REDIC1: variants seen among roughly 807,000 people sequenced by gnomAD.
The protein encoded by REDIC1 is HEI10 Interacting Protein 1.
chr12:39,638,800 A>C, the REDIC1 span, among the ~76,000 whole-genome samples: 1 of 151,966 alleles, frequency 6.6e-6, no homozygotes, highest in Non-Finnish European at 1.5e-5. Context: ...ATTGGTCTTA[A>C]ATACCTAATT....
the REDIC1 span, among the ~76,000 whole-genome samples, chr12:39,714,525 A>G: frequency 6.6e-6 from 1 of 151,506 alleles, no homozygotes; most frequent in Non-Finnish European, 1.5e-5. Context: ...CGTGTGTGAA[A>G]GTATCTTTTT....
At chr12:39,877,239 A>G in the REDIC1 span, among the ~76,000 whole-genome samples, 17 of 152,324 alleles carry the variant, frequency 1.1e-4, no homozygotes, top group East Asian at 3.3e-3. Flanking sequence ...AGAGTTCCAC[A>G]TGGCTAGGGA....
the REDIC1 span, chr12:39,829,664 C>T: frequency 9.9e-4 from 167 of 169,162 alleles, no homozygotes; most frequent in Non-Finnish European, 2.8e-4. Flanking sequence ...CTGCCTGCCT[C>T]AGCCTCCCAA....
At chr12:39,731,809 C>G in the REDIC1 span, among the ~76,000 whole-genome samples, 1 of 149,884 alleles carries the variant, frequency 6.7e-6, no homozygotes, top group African/African-American at 2.5e-5. Context: ...TCTGTATGCC[C>G]CTGACTGTTT....
chr12:39,629,413 A>G, the REDIC1 span, among the ~76,000 whole-genome samples: 290 of 152,318 alleles, frequency 1.9e-3, 6 homozygotes, highest in East Asian at 0.052. Flanking sequence ...AATTTGAAGT[A>G]GATTGTTCTT....
At chr12:39,896,833 C>G in the REDIC1 span, among the ~76,000 whole-genome samples, 816 of 152,146 alleles carry the variant, frequency 5.4e-3, 5 homozygotes, top group Middle Eastern at 0.01. Flanking sequence ...AATAGTGTGA[C>G]AAAATATGTA....
the REDIC1 span, among the ~76,000 whole-genome samples, chr12:39,865,294 A>G: frequency 3.3e-4 from 50 of 152,328 alleles, no homozygotes; most frequent in African/African-American, 1.1e-3. Flanking sequence ...GTGCCAAGAA[A>G]ATTCTTCTAA....
chr12:39,787,271 G>A, the REDIC1 span, among the ~76,000 whole-genome samples: 1 of 151,942 alleles, frequency 6.6e-6, no homozygotes, highest in Non-Finnish European at 1.5e-5. Context: ...CCTGAGACAT[G>A]GTATTTTCAT....
chr12:39,875,343 C>T, the REDIC1 span, among the ~76,000 whole-genome samples: 17 of 152,218 alleles, frequency 1.1e-4, no homozygotes, highest in Admixed American at 1.1e-3. Flanking sequence ...AAGTCCCTCT[C>T]ATGCTACTTC....
the REDIC1 span, among the ~76,000 whole-genome samples, chr12:39,859,076 A>T: frequency 6.6e-6 from 1 of 152,198 alleles, no homozygotes; most frequent in South Asian, 2.1e-4. Flanking sequence ...CTTTGAAGGG[A>T]CTAATTTATG....
the REDIC1 span, among the ~76,000 whole-genome samples, chr12:39,740,528 G>A: frequency 6.6e-6 from 1 of 152,084 alleles, no homozygotes; most frequent in Admixed American, 6.5e-5. Flanking sequence ...TATTTTCTGG[G>A]CACCACTTTA....
At chr12:39,666,051 C>G in the REDIC1 span, among the ~76,000 whole-genome samples, 2 of 152,110 alleles carry the variant, frequency 1.3e-5, no homozygotes, top group African/African-American at 4.8e-5. Flanking sequence ...CTTGATTATC[C>G]TTTATTTCCT....
At chr12:39,860,341 C>A in the REDIC1 span, among the ~76,000 whole-genome samples, 1 of 152,152 alleles carries the variant, frequency 6.6e-6, no homozygotes, top group Non-Finnish European at 1.5e-5. Context: ...AGAGATACTG[C>A]CCAATTGATT....
At chr12:39,698,937 C>T in the REDIC1 span, among the ~76,000 whole-genome samples, 2,205 of 152,012 alleles carry the variant, frequency 0.015, 44 homozygotes, top group Middle Eastern at 0.017. Flanking sequence ...AGAACTAGAA[C>T]GGCAAGAACA....
the REDIC1 span, among the ~76,000 whole-genome samples, chr12:39,800,395 A>G: frequency 1.3e-5 from 2 of 151,498 alleles, no homozygotes; most frequent in Non-Finnish European, 2.9e-5. Context: ...AAACAAATTT[A>G]CAAGAAAAAA....
chr12:39,711,551 A>T, the REDIC1 span, among the ~76,000 whole-genome samples: 1 of 51,994 alleles, frequency 1.9e-5, no homozygotes, highest in African/African-American at 5.2e-5. Context: ...ATGTATGTGC[A>T]TACACATGCA....
the REDIC1 span, among the ~76,000 whole-genome samples, chr12:39,749,831 A>T: frequency 6.6e-6 from 1 of 152,226 alleles, no homozygotes; most frequent in Non-Finnish European, 1.5e-5. Context: ...TGATTATCTC[A>T]ATAGATGCAG....
the REDIC1 span, among the ~76,000 whole-genome samples, chr12:39,712,788 T>C: frequency 8.2e-6 from 1 of 121,250 alleles, no homozygotes; most frequent in Non-Finnish European, 1.8e-5. Context: ...TGTATATACG[T>C]ATATGTATAT....
chr12:39,732,293 T>G, the REDIC1 span, among the ~76,000 whole-genome samples: 1 of 152,242 alleles, frequency 6.6e-6, no homozygotes. Flanking sequence ...ATTCTTGTGG[T>G]GAAATTCAAT....
Sources: allele counts gnomAD v4.1 joint callset (sites outside exome capture counted in the v4.1 genomes callset), GRCh38; gene constraint gnomAD v4.1.1; transcripts MANE v1.5; gene names NCBI Gene and HGNC (gene_info 2026-07-23, HGNC 2026-07-21).